The following TMEM132D variants were observed in gnomAD, a reference collection of about 807,000 sequenced individuals.
TMEM132D encodes the protein transmembrane protein 132D, also known as mature OL transmembrane protein.
Under a neutral mutation model 62.3 loss-of-function variants are expected in TMEM132D, and 21 were observed. The ratio of observed to expected loss-of-function variants is 0.34; its 90% CI spans 0.24 to 0.49. TMEM132D has a LOEUF of 0.49. Ranked by LOEUF, TMEM132D falls within the 20% of genes least tolerant of loss-of-function variation. The pLI is 0.99. For synonymous variants in TMEM132D, 621 were observed against 575.6 expected, an observed-to-expected ratio of 1.08 and a Z score of -1.13; for missense variants, 1,346 against 1,402.8, an observed-to-expected ratio of 0.96 and a Z score of 0.65.
intron 2 of TMEM132D, among the ~76,000 whole-genome samples, chr12:129,539,574 A>ATTTT (rs3046685): frequency 1.0e-3 from 144 of 143,968 alleles, no homozygotes; most frequent in South Asian, 2.2e-3. Flanking sequence ...AATTTTTTCT[A>ATTTT]TTTTTTTTTT....
chr12:129,639,212 G>A (rs1420378237), intron 2 of TMEM132D, among the ~76,000 whole-genome samples: 7 of 151,390 alleles, frequency 4.6e-5, no homozygotes, highest in Admixed American at 3.3e-4. Flanking sequence ...GCAAAACCCC[G>A]TCTCTACTAA....
At chr12:129,713,577 C>T (rs201347442) in intron 1 of TMEM132D, among the ~76,000 whole-genome samples, 2 of 152,282 alleles carry the variant, frequency 1.3e-5, no homozygotes, top group East Asian at 3.9e-4. Flanking sequence ...TCATCCTCAC[C>T]TTGTGTGTCT....
intron 2 of TMEM132D, among the ~76,000 whole-genome samples, chr12:129,571,855 G>GTT (rs77615953): frequency 1.3e-5 from 2 of 151,392 alleles, no homozygotes; most frequent in East Asian, 2.0e-4. Context: ...ATAAGGAAAA[G>GTT]TTTTTTTTTA....
chr12:129,416,974 T>C (rs1458133680), intron 3 of TMEM132D, among the ~76,000 whole-genome samples: 1 of 152,238 alleles, frequency 6.6e-6, no homozygotes, highest in Non-Finnish European at 1.5e-5. Context: ...TTCACATTGA[T>C]GATTATCAGG....
intron 3 of TMEM132D, among the ~76,000 whole-genome samples, chr12:129,460,866 C>T (rs1239226864): frequency 6.6e-6 from 1 of 152,122 alleles, no homozygotes; most frequent in Non-Finnish European, 1.5e-5. Context: ...CCTTCATTTA[C>T]AGATGACTGT....
chr12:129,319,131 C>T (rs1868590801), intron 4 of TMEM132D, among the ~76,000 whole-genome samples: 1 of 152,192 alleles, frequency 6.6e-6, no homozygotes, highest in African/African-American at 2.4e-5. Context: ...GCTTCTCGCC[C>T]CATTCAAATT....
chr12:129,349,243 A>G (rs1869789650), intron 3 of TMEM132D, among the ~76,000 whole-genome samples: 1 of 152,200 alleles, frequency 6.6e-6, no homozygotes, highest in South Asian at 2.1e-4. Context: ...CACTTGAAGT[A>G]TGCCAGACTT....
At chr12:129,684,800 G>C (rs1880867201) in intron 2 of TMEM132D, among the ~76,000 whole-genome samples, 1 of 152,002 alleles carries the variant, frequency 6.6e-6, no homozygotes, top group South Asian at 2.1e-4. Flanking sequence ...TCCAAGCAGA[G>C]GTGGTCTCAG....
chr12:129,712,925 C>A (rs1868429618), intron 1 of TMEM132D, among the ~76,000 whole-genome samples: 1 of 152,104 alleles, frequency 6.6e-6, no homozygotes, highest in African/African-American at 2.4e-5. Flanking sequence ...GGGCTGCCAA[C>A]CCAAGTGACC....
rs75154555 is a variant in TMEM132D, at chr12:129,084,097, G to A, written c.1649+400C>T. Among the ~76,000 whole-genome samples the A allele has an allele frequency of 4.1e-4, 63 of 152,080 alleles. 1 individual carries two copies. The East Asian group carries it at 7.9e-3, about 19-fold the overall frequency. On this transcript the variant is annotated intron_variant, in intron 6 of 8. Coordinates refer to ENST00000422113, the MANE Select transcript of TMEM132D (RefSeq NM_133448.3). ...CCCTTCTCCTAGAATTTGTTCATTC[G>A]TTCAGCCTTGGTGCACCTCTTCCTC...
rs183693130 is a variant in TMEM132D, at chr12:129,463,316, C to T, written c.1115+67743G>A. ...ATTTTATTTTGGGTCTCCAGAAATA[C>T]TGACAGATGTAGCAATAATCATTAT... is the stretch of plus-strand genomic sequence containing the variant. On this transcript the variant is annotated intron_variant, in intron 3 of 8. Coordinates refer to ENST00000422113, the MANE Select transcript of TMEM132D (RefSeq NM_133448.3). 4.0e-3 allele frequency among the ~76,000 whole-genome samples: 602 copies of T among 151,988 alleles called. 4 individuals are homozygous for T. The highest frequency in any genetic ancestry group is 0.014 in the African/African-American group (564 of 41,458).
intron 3 of TMEM132D, among the ~76,000 whole-genome samples, chr12:129,448,139 CT>C (rs1205261350): frequency 2.0e-5 from 3 of 152,142 alleles, no homozygotes; most frequent in African/African-American, 7.2e-5. Context: ...ACTCATTAAT[CT>C]TTTTATTCTT....
intron 3 of TMEM132D, among the ~76,000 whole-genome samples, chr12:129,496,660 C>T (rs1210187540): frequency 1.2e-4 from 13 of 108,156 alleles, no homozygotes; most frequent in African/African-American, 6.1e-4. Flanking sequence ...TTCCCTATTG[C>T]AACTTACATT....
intron 3 of TMEM132D, among the ~76,000 whole-genome samples, chr12:129,441,777 C>A (rs1191333606): frequency 6.6e-6 from 1 of 152,170 alleles, no homozygotes; most frequent in Non-Finnish European, 1.5e-5. Context: ...AAATGTCACA[C>A]ATATACACTG....
At position 129,072,778 on chromosome 12, in the gene TMEM132D, A is replaced by G. The variant is rs1231062378; in HGVS notation, c.*1097T>C. The G allele has an allele frequency of 6.6e-6, 1 of 152,280 alleles. No individual in the cohort carries two copies. Among genetic ancestry groups the G allele is most frequent in the Non-Finnish European group, 1.5e-5 (1 of 68,068 alleles). 9.4% of individuals were successfully genotyped at this position (152,280 alleles called of 1,614,324 possible). Reference sequence around the variant, plus strand: ...GACAGGAGATCTGCCATGAACAGTGAAAGACCCATCCCAAGTGGCCCTGTT... The same window carrying G: ...GACAGGAGATCTGCCATGAACAGTGGAAGACCCATCCCAAGTGGCCCTGTT... On this transcript the variant is annotated 3_prime_UTR_variant, in exon 9 of 9. Transcript: ENST00000422113.
chr12:129,580,519 C>A (rs1021497907), intron 2 of TMEM132D, among the ~76,000 whole-genome samples: 1 of 152,152 alleles, frequency 6.6e-6, no homozygotes, highest in East Asian at 1.9e-4. Flanking sequence ...TAAAAACCTA[C>A]AGAAACAAAT....
intron 2 of TMEM132D, among the ~76,000 whole-genome samples, chr12:129,539,009 TCCTC>T (rs1876503174): frequency 1.3e-5 from 2 of 151,472 alleles, no homozygotes; most frequent in Non-Finnish European, 1.5e-5. Flanking sequence ...AGAAGGAGCG[TCCTC>T]TGCTGCAAGT....
At chr12:129,092,008 T>G (rs1298770230) in intron 5 of TMEM132D, among the ~76,000 whole-genome samples, 1 of 152,224 alleles carries the variant, frequency 6.6e-6, no homozygotes, top group Non-Finnish European at 1.5e-5. Flanking sequence ...CTCGTTAAAA[T>G]ATGACTAACT....
intron 4 of TMEM132D, among the ~76,000 whole-genome samples, chr12:129,263,771 A>G (rs1880613982): frequency 6.6e-6 from 1 of 152,096 alleles, no homozygotes; most frequent in African/African-American, 2.4e-5. Flanking sequence ...AAAAGAAAGC[A>G]GAAGGTGAGT....
Sources: gnomAD v4.1 joint callset for allele counts (sites outside exome capture counted in the v4.1 genomes callset) on GRCh38, gnomAD v4.1.1 for gene constraint, MANE v1.5 for transcripts, NCBI Gene and HGNC (gene_info 2026-07-23, HGNC 2026-07-21) for gene names.